Variants in CACNA1I observed in about 807,000 individuals in gnomAD.
The protein encoded by CACNA1I is voltage-dependent T-type calcium channel subunit alpha-1I.
In CACNA1I, 74 loss-of-function variants were observed where a neutral mutation model predicts 201.6. The observed-to-expected ratio is 0.37, with a 90% CI of 0.30 to 0.45. The LOEUF (loss-of-function observed/expected upper bound fraction) is 0.45. Ranked by LOEUF, CACNA1I falls within the 20% of genes least tolerant of loss-of-function variation. The pLI, the probability that CACNA1I is intolerant of heterozygous loss-of-function variation, is 1.00. For synonymous variants in CACNA1I, 1,431 were observed against 1,345.2 expected (o/e 1.06, Z -1.40); for missense variants, 2,346 against 3,138.1 (o/e 0.75, Z 6.03).
At chr22:39,664,417 C>T (rs1188875624) in intron 20 of CACNA1I, among the ~76,000 whole-genome samples, 1 of 152,088 alleles carries the variant, frequency 6.6e-6, no homozygotes, top group Non-Finnish European at 1.5e-5. Flanking sequence ...GAGGCACCTG[C>T]TAGAGGTGTG....
At chr22:39,654,956 T>A (rs923502504) in intron 10 of CACNA1I, among the ~76,000 whole-genome samples, 5 of 151,950 alleles carry the variant, frequency 3.3e-5, no homozygotes, top group African/African-American at 4.8e-5. Flanking sequence ...GACACATTTG[T>A]GCTGAACTGG....
intron 3 of CACNA1I, among the ~76,000 whole-genome samples, chr22:39,601,854 C>CTT (rs1458041603): frequency 9.0e-6 from 1 of 111,442 alleles, no homozygotes; most frequent in Non-Finnish European, 1.9e-5. Flanking sequence ...TCCCTCCCTC[C>CTT]CTCCTTCCTT....
intron 1 of CACNA1I, among the ~76,000 whole-genome samples, chr22:39,574,480 G>T (rs1932281977): frequency 6.6e-6 from 1 of 151,962 alleles, no homozygotes. Flanking sequence ...TTGGGATGGG[G>T]TGCGTGTGTG....
At chr22:39,602,304 G>A (rs1487581074) in intron 3 of CACNA1I, among the ~76,000 whole-genome samples, 1 of 151,442 alleles carries the variant, frequency 6.6e-6, no homozygotes, top group Admixed American at 6.6e-5. Context: ...TGAACTCCTG[G>A]GTTCAAGCTT....
chr22:39,642,772 GCT>G (rs1476288704), intron 6 of CACNA1I, 23 bp from the exon 7 acceptor site: 2 of 1,567,104 alleles, frequency 1.3e-6, no homozygotes, highest in South Asian at 1.1e-5. Flanking sequence ...AGTCCTCTCG[GCT>G]CTCTCTCCTC....
At position 39,685,837 on chromosome 22, in the gene CACNA1I, G is replaced by A; in HGVS notation, c.6104G>A (p.Ser2035Asn). The change falls in exon 37 of 37, where the codon AGC (serine) becomes AAC (asparagine). Residue 2035 changes from serine to asparagine, a missense_variant. Coordinates refer to ENST00000402142, the MANE Select transcript of CACNA1I (RefSeq NM_021096.4). The surrounding 1 kb of genome is among the most constrained non-coding windows in gnomAD (Gnocchi z 5.0). ...AGCCTGCAGACCACGCTCGAGGACA[G>A]CCTGACCCTGAGCGACAGCCCCCGG... ...AGSLQTTLEDSLTLSDSPRRA... is the reference protein window; with the variant it reads ...AGSLQTTLEDNLTLSDSPRRA... The A allele has an allele frequency of 6.7e-7, 1 of 1,487,962 alleles. No homozygotes were observed. The highest frequency in any genetic ancestry group is 8.9e-7 in the Non-Finnish European group (1 of 1,127,348). The allele number at this position is 1,487,962 out of a possible 1,614,324, so 92.2% of individuals were successfully genotyped here.
In CACNA1I at chr22:39,685,451, G is replaced by T. The variant is rs890832319; in HGVS notation, c.6028-310G>T. On this transcript the variant is annotated intron_variant, in intron 36 of 36. Transcript: ENST00000402142. This position sits in a 1 kb window ranked among gnomAD's most constrained non-coding sequence, Gnocchi z 5.0. The stretch of plus-strand genomic sequence containing the variant: ...ATGGGGGGTGCGGTGGGGGTGCCAC[G>T]TGCCCTGGGGGAGGGCGGTGGGCCC... 1.3e-5 allele frequency among the ~76,000 whole-genome samples: 2 copies of T among 150,460 alleles called. No individual in the cohort carries two copies. Among genetic ancestry groups the T allele is most frequent in the African/African-American group, 4.9e-5 (2 of 40,848 alleles).
intron 33 of CACNA1I, among the ~76,000 whole-genome samples, chr22:39,680,285 C>T (rs149379580): frequency 0.011 from 1,696 of 152,332 alleles, 10 homozygotes; most frequent in Non-Finnish European, 0.015. Flanking sequence ...CACCTCAGGG[C>T]TTAGGCCCAC....
rs753483663 is a variant in CACNA1I, at chr22:39,659,519, C to G, written c.2417C>G (p.Ser806Cys). 1.2e-6 allele frequency: 2 copies of G among 1,601,236 alleles called. No individual in the cohort carries two copies. The highest frequency in any genetic ancestry group is 1.1e-5 in the South Asian group (1 of 89,570). Reference protein sequence around the residue: ...DTVPDRKNFDSLLWAIVTVFQ... With the variant: ...DTVPDRKNFDCLLWAIVTVFQ... ...GTGCCCGACAGGAAGAACTTCGACT[C>G]CCTGCTGTGGGCCATCGTCACTGTG... Residue 806 changes from serine (S) to cysteine (C), a missense_variant, in exon 13 of 37, where the codon TCC becomes TGC. Around this residue, in one of 13 missense-constraint regions of CACNA1I, gnomAD observed 155 missense variants for 300.8 expected, o/e 0.52. Transcript: ENST00000402142. The surrounding 1 kb of genome is among the most constrained non-coding windows in gnomAD (Gnocchi z 4.3).
intron 4 of CACNA1I, among the ~76,000 whole-genome samples, chr22:39,623,820 AGT>A (rs565319235): frequency 8.6e-6 from 1 of 116,818 alleles, no homozygotes; most frequent in Non-Finnish European, 1.7e-5. Flanking sequence ...ACGTGTCAAG[AGT>A]GTGTGTGTGC....
rs552472527 is a variant in CACNA1I at position 39,648,828 on chromosome 22, C to A, written c.1568-673C>A. On this transcript the variant is annotated intron_variant, in intron 9 of 36. Transcript: ENST00000402142. This position sits in a 1 kb window ranked among gnomAD's most constrained non-coding sequence, Gnocchi z 5.4. ...ATCACAGAACTCAGTCCAGGGCCAGCCCAGGCGTCTCCTGTGATTCCGGGG... is the reference window on the plus strand; with the variant it reads ...ATCACAGAACTCAGTCCAGGGCCAGACCAGGCGTCTCCTGTGATTCCGGGG... Among the ~76,000 whole-genome samples, 6 of 152,110 alleles carry A rather than the reference C, an allele frequency of 3.9e-5. No individual in the cohort carries two copies. The highest frequency in any genetic ancestry group is 8.8e-5 in the Non-Finnish European group (6 of 68,018).
At chr22:39,625,537 G>C (rs1278887375) in intron 4 of CACNA1I, among the ~76,000 whole-genome samples, 1 of 152,134 alleles carries the variant, frequency 6.6e-6, no homozygotes, top group African/African-American at 2.4e-5. Context: ...GATTAAATAC[G>C]TGGCTCTCAA....
chr22:39,662,323 C>G lies in CACNA1I; in HGVS notation c.3260C>G (p.Pro1087Arg). The G allele has an allele frequency of 6.8e-7, 1 of 1,479,124 alleles. No homozygotes were observed. The highest frequency in any genetic ancestry group is 1.5e-5 in the African/African-American group (1 of 67,586). 91.6% of individuals were successfully genotyped at this position (1,479,124 alleles called of 1,614,324 possible). A position where few individuals can be genotyped will look rare whatever the true frequency, so the allele number is the denominator to read the frequency against. ...HPRAAWRAAG[P>R]APGHEDCNGR... ...CGGGCCGCCTGGAGGGCGGCAGGCC[C>G]GGCCCCCGGGCATGAGGACTGCAAT... The change falls in exon 17 of 37, where the codon CCG becomes CGG. Residue 1087 changes from proline (P) to arginine (R), a missense_variant. Around this residue, in one of 13 missense-constraint regions of CACNA1I, gnomAD observed 288 missense variants for 255.2 expected, o/e 1.13. Transcript: ENST00000402142.
chr22:39,660,466 G>A (rs1219846450), intron 15 of CACNA1I, 29 bp downstream of exon 15: 1 of 1,526,024 alleles, frequency 6.6e-7, no homozygotes, highest in African/African-American at 1.4e-5. Flanking sequence ...GTCACCTAGA[G>A]AGCCCAGAGC....
Position 39,657,861 on chromosome 22 carries a change from C to T in CACNA1I, c.1993-291C>T, listed in dbSNP as rs193283545. 5.3e-5 allele frequency among the ~76,000 whole-genome samples: 8 copies of T among 152,362 alleles called. No individual in the cohort carries two copies. In the East Asian group the frequency reaches 7.7e-4, roughly 15 times the overall value. Reference sequence around the variant, plus strand: ...CCTCTTTTTCCTCATCCGTAAAATGCGTATCAGAACACTTCCCTGGTAGTG... The same window carrying T: ...CCTCTTTTTCCTCATCCGTAAAATGTGTATCAGAACACTTCCCTGGTAGTG... On this transcript the variant is annotated intron_variant, in intron 10 of 36. Transcript: ENST00000402142.
At chr22:39,588,548 G>A (rs554266453) in intron 1 of CACNA1I, among the ~76,000 whole-genome samples, 3 of 151,788 alleles carry the variant, frequency 2.0e-5, no homozygotes, top group Non-Finnish European at 4.4e-5. Flanking sequence ...ACCACGCCCG[G>A]CTTATTTTTT....
intron 3 of CACNA1I, among the ~76,000 whole-genome samples, chr22:39,606,087 C>T (rs927011488): frequency 6.6e-6 from 1 of 152,280 alleles, no homozygotes. Context: ...TGTCAAAGGA[C>T]AGCGTTCATC....
chr22:39,615,173 T>G (rs565249187), intron 3 of CACNA1I, among the ~76,000 whole-genome samples: 1 of 152,256 alleles, frequency 6.6e-6, no homozygotes, highest in African/African-American at 2.4e-5. Context: ...GGGAGATAGC[T>G]TCCTCCATCC....
Position 39,686,147 on chromosome 22 carries a change from G to A in CACNA1I, c.6414G>A (p.Pro2138=), listed in dbSNP as rs761199196. ...SSLSLTSLFC[P]PPPPPAPGLT... ...TCTCGCTCACCTCCCTCTTCTGCCC[G>A]CCGCCCCCGCCGCCAGCCCCCGGCC... is the stretch of plus-strand genomic sequence containing the variant. Residue 2138 remains proline, a synonymous_variant, in exon 37 of 37, where the codon CCG becomes CCA. Coordinates refer to ENST00000402142, the MANE Select transcript of CACNA1I (RefSeq NM_021096.4). 4.7e-5 allele frequency: 56 copies of A among 1,200,112 alleles called. No homozygotes were observed. In the South Asian group the frequency reaches 1.2e-3, roughly 26 times the overall value. The allele number at this position is 1,200,112 out of a possible 1,614,324, so 74.3% of individuals were successfully genotyped here.
Sources: allele counts gnomAD v4.1 joint callset (sites outside exome capture counted in the v4.1 genomes callset), GRCh38; gene constraint gnomAD v4.1.1; regional missense constraint gnomAD v4.1.1; non-coding constraint Gnocchi (gnomAD v3.1); transcripts MANE v1.5; gene names NCBI Gene and HGNC (gene_info 2026-07-23, HGNC 2026-07-21).